Variants in DCP1B observed in about 807,000 individuals in gnomAD.
DCP1B encodes the protein mRNA-decapping enzyme 1B.
A neutral mutation model predicts 60.5 loss-of-function variants in DCP1B; 47 were observed. The observed-to-expected ratio is 0.78, with a 90% confidence interval of 0.61 to 0.99. The LOEUF (loss-of-function observed/expected upper bound fraction) is 0.99, where lower values mean the gene tolerates loss of function less well. Ranked by LOEUF, DCP1B falls within the 50% of genes least tolerant of loss-of-function variation. The pLI is 0.00. For missense variants in DCP1B, 725 were observed against 756.8 expected (o/e 0.96, Z 0.49); for synonymous variants, 267 against 280.3 (o/e 0.95, Z 0.47).
Position 1,971,901 on chromosome 12 carries a change from A to T in DCP1B, c.320-3991T>A, listed in dbSNP as rs566012555. Among the ~76,000 whole-genome samples, 2 of 152,356 alleles carry T rather than the reference A, an allele frequency of 1.3e-5. No homozygotes were observed. Among genetic ancestry groups the T allele is most frequent in the African/African-American group, 4.8e-5 (2 of 41,584 alleles). On this transcript the variant is annotated intron_variant, in intron 3 of 8. Transcript: ENST00000280665. The surrounding 1 kb of genome is among the most constrained non-coding windows in gnomAD (Gnocchi z 4.2). The stretch of plus-strand genomic sequence containing the variant: ...TCCAAATCATGAATGATAGCTTGTA[A>T]TCGTCTAATGAGGACATGTGATAAT...
intron 5 of DCP1B, among the ~76,000 whole-genome samples, chr12:1,961,071 C>A (rs527709891): frequency 1.3e-5 from 2 of 152,100 alleles, no homozygotes. Flanking sequence ...CTAGTTAGGC[C>A]GGCCAAAAAT....
At chr12:1,985,524 C>A (rs2037447889) in intron 3 of DCP1B, among the ~76,000 whole-genome samples, 1 of 152,182 alleles carries the variant, frequency 6.6e-6, no homozygotes. Context: ...TTTTACCTCA[C>A]AGAGCATGGT....
At chr12:1,949,382 C>T (rs201396713) in intron 7 of DCP1B, 48 bp from the exon 8 acceptor site, 21 of 1,596,616 alleles carry the variant, frequency 1.3e-5, no homozygotes, top group East Asian at 2.3e-5. Flanking sequence ...GAGCAGCTCA[C>T]GGCATGATAG....
chr12:1,998,067 T>G (rs755838988), intron 1 of DCP1B, 92 bp from the exon 2 acceptor site: 9 of 1,172,390 alleles, frequency 7.7e-6, no homozygotes, highest in Non-Finnish European at 1.1e-5. Context: ...GAATTATATA[T>G]AACTTCAATG....
intron 3 of DCP1B, chr12:1,970,964 G>A: frequency 1.5e-6 from 1 of 660,228 alleles, no homozygotes; most frequent in Non-Finnish European, 2.1e-6. Flanking sequence ...TGTTACTGCA[G>A]GAATAGCTTC....
chr12:1,947,294 TCC>T (rs1050073686), intron 8 of DCP1B, among the ~76,000 whole-genome samples: 2 of 152,070 alleles, frequency 1.3e-5, no homozygotes, highest in Non-Finnish European at 2.9e-5. Flanking sequence ...CACTTCACAT[TCC>T]CCCTTCATTC....
chr12:1,973,994 T>C (rs2033438906), intron 3 of DCP1B, among the ~76,000 whole-genome samples: 1 of 152,190 alleles, frequency 6.6e-6, no homozygotes, highest in Admixed American at 6.5e-5. Flanking sequence ...TGTAGTTTTG[T>C]ATATCCTTGT....
chr12:1,995,510 C>T (rs2040581870), intron 2 of DCP1B, among the ~76,000 whole-genome samples: 1 of 152,252 alleles, frequency 6.6e-6, no homozygotes, highest in Non-Finnish European at 1.5e-5. Context: ...TACTCCACTG[C>T]TCTTCTGAGA....
intron 5 of DCP1B, among the ~76,000 whole-genome samples, chr12:1,961,148 AG>A (rs1357562805): frequency 6.6e-6 from 1 of 152,208 alleles, no homozygotes; most frequent in Non-Finnish European, 1.5e-5. Flanking sequence ...TGGGTGAAGA[AG>A]GGGTGGGAAC....
At chr12:1,994,285 G>A (rs2040262006) in intron 2 of DCP1B, among the ~76,000 whole-genome samples, 1 of 152,210 alleles carries the variant, frequency 6.6e-6, no homozygotes, top group African/African-American at 2.4e-5. Context: ...TTAAATGAGG[G>A]TGCTAGGGCT....
downstream of DCP1B, among the ~76,000 whole-genome samples, chr12:1,943,094 A>C (rs1278546998): frequency 2.0e-5 from 3 of 152,254 alleles, no homozygotes; most frequent in Non-Finnish European, 2.9e-5. Context: ...AATAGACACA[A>C]TAAAAAATGA....
chr12:1,959,276 A>AAC (rs2031032754), intron 5 of DCP1B, among the ~76,000 whole-genome samples: 1 of 152,274 alleles, frequency 6.6e-6, no homozygotes, highest in African/African-American at 2.4e-5. Context: ...TAGCAAAGGA[A>AAC]ACAGCAGAGT....
At chr12:1,965,762 C>T in intron 4 of DCP1B, 69 bp from the exon 5 acceptor site, 1 of 1,488,864 alleles carries the variant, frequency 6.7e-7, no homozygotes, top group Non-Finnish European at 9.0e-7. Context: ...TAAAACCATC[C>T]CAATTCTCAC....
intron 2 of DCP1B, among the ~76,000 whole-genome samples, chr12:1,995,519 G>T (rs2040585448): frequency 1.3e-5 from 2 of 152,256 alleles, no homozygotes; most frequent in South Asian, 4.1e-4. Context: ...GCTCTTCTGA[G>T]ACTGTGAAGA....
At chr12:1,951,876 G>T (rs563460363) in intron 7 of DCP1B, among the ~76,000 whole-genome samples, 2 of 152,318 alleles carry the variant, frequency 1.3e-5, no homozygotes, top group African/African-American at 2.4e-5. Flanking sequence ...TTTCAAGGCA[G>T]ACCATACTAA....
intron 3 of DCP1B, among the ~76,000 whole-genome samples, chr12:1,989,662 G>A (rs113451026): frequency 0.028 from 4,175 of 151,700 alleles, 96 homozygotes; most frequent in Middle Eastern, 0.057. Flanking sequence ...GCAATAAGCC[G>A]AGATTGTGCC....
downstream of DCP1B, among the ~76,000 whole-genome samples, chr12:1,941,649 C>G (rs548687755): frequency 2.9e-4 from 44 of 152,180 alleles, no homozygotes; most frequent in African/African-American, 1.1e-3. Context: ...ATCTTTGACA[C>G]TGATGACCTT....
At position 1,997,242 on chromosome 12, in the gene DCP1B, T is replaced by C. The variant is rs746511486; in HGVS notation, c.191+693A>G. On this transcript the variant is annotated intron_variant, in intron 2 of 8. Coordinates refer to ENST00000280665, the MANE Select transcript of DCP1B (RefSeq NM_152640.5). ...AGAGTCAGGGGTGGGAGAAAAGTGA[T>C]CAACAGCCAGGTGCGGTGGCTCACG... Among the ~76,000 whole-genome samples the C allele has an allele frequency of 5.9e-5, 9 of 152,306 alleles. No individual in the cohort carries two copies. The East Asian group carries it at 1.7e-3, about 29-fold the overall frequency.
chr12:1,973,113 C>T (rs1255545486), intron 3 of DCP1B, among the ~76,000 whole-genome samples: 1 of 152,222 alleles, frequency 6.6e-6, no homozygotes, highest in Non-Finnish European at 1.5e-5. Context: ...GTTAGCTTTA[C>T]TGACCAAACA....
Sources: allele counts gnomAD v4.1 joint callset (sites outside exome capture counted in the v4.1 genomes callset), GRCh38; gene constraint gnomAD v4.1.1; non-coding constraint Gnocchi (gnomAD v3.1); transcripts MANE v1.5; gene names NCBI Gene and HGNC (gene_info 2026-07-23, HGNC 2026-07-21).